Variants in LPP observed in about 807,000 individuals in gnomAD.
LPP encodes the protein LIM domain containing preferred translocation partner in lipoma.
In LPP, 38 loss-of-function variants were observed where a neutral mutation model predicts 60.4. The observed-to-expected ratio is 0.63, with a 90% confidence interval of 0.49 to 0.83. The LOEUF (loss-of-function observed/expected upper bound fraction) is 0.83, where lower values mean the gene tolerates loss of function less well. Among genes scored for constraint, LPP ranks in the 40% least tolerant of loss-of-function variants. LPP has a pLI of 0.00. For synonymous variants in LPP, 328 were observed against 290.8 expected (o/e 1.13, Z -1.30); for missense variants, 902 against 783.6 (o/e 1.15, Z -1.80).
intron 1 of LPP, among the ~76,000 whole-genome samples, chr3:188,165,968 A>C (rs1719822569): frequency 6.6e-6 from 1 of 152,046 alleles, no homozygotes. Context: ...GAAGATCTCC[A>C]CCCTTTTTTA....
At chr3:188,495,105 ATTTT>A (rs1230280621) in intron 5 of LPP, among the ~76,000 whole-genome samples, 132 of 78,170 alleles carry the variant, frequency 1.7e-3, no homozygotes, top group East Asian at 0.01. Context: ...TTTATTATAT[ATTTT>A]TATATATTTA....
intron 1 of LPP, among the ~76,000 whole-genome samples, chr3:188,197,986 T>C (rs1311957047): frequency 1.3e-5 from 2 of 152,236 alleles, no homozygotes; most frequent in African/African-American, 2.4e-5. Context: ...ACAAGTTACA[T>C]AATTCGAGTC....
intron 5 of LPP, among the ~76,000 whole-genome samples, chr3:188,522,993 C>T (rs112955704): frequency 0.012 from 1,871 of 151,668 alleles, 39 homozygotes; most frequent in African/African-American, 0.042. Flanking sequence ...CTGCAACCTC[C>T]GCCTCTAGGG....
At chr3:188,325,589 T>G (rs769690667) in intron 2 of LPP, among the ~76,000 whole-genome samples, 2 of 152,232 alleles carry the variant, frequency 1.3e-5, no homozygotes, top group Non-Finnish European at 2.9e-5. Flanking sequence ...TTGTTTTCTT[T>G]ATGTACATTG....
chr3:188,822,315 A>C (rs1051170724), intron 9 of LPP, among the ~76,000 whole-genome samples: 1 of 152,152 alleles, frequency 6.6e-6, no homozygotes, highest in Non-Finnish European at 1.5e-5. Flanking sequence ...GGCTAGGAGA[A>C]GTGAGCCTGG....
intron 2 of LPP, among the ~76,000 whole-genome samples, chr3:188,294,864 A>G (rs1240852964): frequency 6.6e-6 from 1 of 152,232 alleles, no homozygotes; most frequent in Non-Finnish European, 1.5e-5. Flanking sequence ...TAGAAGGAAC[A>G]AGCTCCCGCT....
At chr3:188,636,360 A>T (rs943520621) in intron 7 of LPP, among the ~76,000 whole-genome samples, 1 of 152,144 alleles carries the variant, frequency 6.6e-6, no homozygotes, top group Non-Finnish European at 1.5e-5. Context: ...GGCTTAAAAA[A>T]CGGTGCACCA....
chr3:188,467,227 C>G (rs577838674), intron 4 of LPP, among the ~76,000 whole-genome samples: 9 of 151,588 alleles, frequency 5.9e-5, no homozygotes, highest in African/African-American at 1.9e-4. Context: ...AATGTGGTAG[C>G]AAGATTATAG....
At chr3:188,507,017 T>C (rs1249130524) in intron 5 of LPP, among the ~76,000 whole-genome samples, 1 of 152,108 alleles carries the variant, frequency 6.6e-6, no homozygotes, top group African/African-American at 2.4e-5. Context: ...CAGGATGGTC[T>C]TGATCTCCTG....
At chr3:188,785,541 TATATATAC>T (rs1341197423) in intron 9 of LPP, among the ~76,000 whole-genome samples, 1 of 77,632 alleles carries the variant, frequency 1.3e-5, no homozygotes, top group Non-Finnish European at 2.3e-5. Context: ...CCATCATATA[TATATATAC>T]ACACACACAC....
chr3:188,693,741 A>G (rs1862610054), intron 7 of LPP, among the ~76,000 whole-genome samples: 1 of 152,188 alleles, frequency 6.6e-6, no homozygotes, highest in South Asian at 2.1e-4. Context: ...TTTTCACTTT[A>G]TAGCAACTTC....
rs1051942273 is a variant in LPP, at chr3:188,876,095, T to A, written c.*1616T>A. The A allele has an allele frequency of 3.7e-5, 7 of 190,016 alleles. No homozygotes were observed. The highest frequency in any genetic ancestry group is 5.5e-5 in the Non-Finnish European group (5 of 90,254). 11.8% of individuals were successfully genotyped at this position (190,016 alleles called of 1,614,324 possible). On this transcript the variant is annotated 3_prime_UTR_variant, in exon 12 of 12. Transcript: ENST00000617246. The stretch of plus-strand genomic sequence containing the variant: ...GTACCGTTTCCTTATTCCACAGATA[T>A]CTTTTTCATTATTGTGAAGTGATGT...
intron 4 of LPP, among the ~76,000 whole-genome samples, chr3:188,451,343 A>T (rs1578997620): frequency 6.6e-6 from 1 of 152,154 alleles, no homozygotes; most frequent in African/African-American, 2.4e-5. Context: ...GTGGTCATAG[A>T]GAGGCATACT....
intron 9 of LPP, among the ~76,000 whole-genome samples, chr3:188,793,105 C>T (rs1188211659): frequency 1.3e-5 from 2 of 151,900 alleles, no homozygotes; most frequent in African/African-American, 4.8e-5. Context: ...TAGTAGAGGC[C>T]CAGAGAAGTT....
intron 10 of LPP, 120 bp from the exon 11 acceptor site, chr3:188,872,523 C>A: frequency 1.9e-6 from 2 of 1,068,452 alleles, no homozygotes; most frequent in East Asian, 2.4e-5. Flanking sequence ...CTAACTCCCT[C>A]ACCTTACGGA....
At chr3:188,287,603 G>A (rs188169041) in intron 2 of LPP, among the ~76,000 whole-genome samples, 5 of 152,086 alleles carry the variant, frequency 3.3e-5, no homozygotes, top group African/African-American at 7.2e-5. Flanking sequence ...GGGGACTGGC[G>A]GAGGTGGGGT....
chr3:188,602,179 T>TA (rs1560620647), intron 6 of LPP, among the ~76,000 whole-genome samples: 2 of 133,804 alleles, frequency 1.5e-5, no homozygotes, highest in African/African-American at 5.4e-5. Flanking sequence ...ATATATATTA[T>TA]ATATATATAT....
intron 2 of LPP, among the ~76,000 whole-genome samples, chr3:188,248,686 T>C (rs1053341163): frequency 1.3e-5 from 2 of 151,748 alleles, no homozygotes; most frequent in African/African-American, 4.9e-5. Flanking sequence ...CAAGGCCTGA[T>C]TCATTAATTT....
At chr3:188,309,507 C>T (rs1752707518) in intron 2 of LPP, among the ~76,000 whole-genome samples, 1 of 152,204 alleles carries the variant, frequency 6.6e-6, no homozygotes, top group South Asian at 2.1e-4. Flanking sequence ...TCTGTTTAAA[C>T]GTTGCCCAAA....
Sources: gnomAD v4.1 joint callset for allele counts (sites outside exome capture counted in the v4.1 genomes callset) on GRCh38, gnomAD v4.1.1 for gene constraint, MANE v1.5 for transcripts, NCBI Gene and HGNC (gene_info 2026-07-23, HGNC 2026-07-21) for gene names.